Variants in KPNA5 observed in about 807,000 individuals in gnomAD.
The protein encoded by KPNA5 is karyopherin subunit alpha 5.
In KPNA5, 46 loss-of-function variants were observed where a neutral mutation model predicts 71.3. The ratio of observed to expected loss-of-function variants is 0.65; its 90% CI spans 0.51 to 0.83. KPNA5 has a LOEUF of 0.83. Ranked by LOEUF, KPNA5 falls within the 40% of genes least tolerant of loss-of-function variation. The probability of loss-of-function intolerance (pLI) is 0.00; values close to 1 mark genes in which losing one functional copy is unlikely to be tolerated. For missense variants in KPNA5, 547 were observed against 628.3 expected (o/e 0.87, Z 1.38); for synonymous variants, 207 against 201.4 (o/e 1.03, Z -0.24).
intron 4 of KPNA5, among the ~76,000 whole-genome samples, chr6:116,693,449 C>T (rs1777887816): frequency 6.6e-6 from 1 of 152,168 alleles, no homozygotes; most frequent in South Asian, 2.1e-4. Flanking sequence ...GAGATGGTAT[C>T]TCATTGTGGT....
chr6:116,705,556 T>A (rs990815578), intron 7 of KPNA5, among the ~76,000 whole-genome samples: 7 of 152,180 alleles, frequency 4.6e-5, no homozygotes, highest in Admixed American at 3.9e-4. Context: ...AAGATAGAGA[T>A]TTTTCTTTCA....
At chr6:116,718,514 C>T (rs1342669182) in intron 8 of KPNA5, among the ~76,000 whole-genome samples, 4 of 152,050 alleles carry the variant, frequency 2.6e-5, no homozygotes, top group South Asian at 2.1e-4. Flanking sequence ...CTACCTGCCT[C>T]GGCCTCCCAA....
intron 2 of KPNA5, among the ~76,000 whole-genome samples, 194 bp from the exon 3 acceptor site, chr6:116,691,861 G>T (rs1311275699): frequency 6.6e-6 from 1 of 152,190 alleles, no homozygotes; most frequent in Admixed American, 6.5e-5. Flanking sequence ...CCAAAAGCTA[G>T]CCCAGAAATT....
chr6:116,695,113 G>A (rs1475701816), intron 4 of KPNA5, among the ~76,000 whole-genome samples: 2 of 151,972 alleles, frequency 1.3e-5, no homozygotes, highest in African/African-American at 4.8e-5. Context: ...ACCACGCCCA[G>A]CTAATTTTTA....
chr6:116,715,318 G>A (rs775972130), intron 7 of KPNA5, among the ~76,000 whole-genome samples: 23 of 151,918 alleles, frequency 1.5e-4, no homozygotes, highest in African/African-American at 5.1e-4. Context: ...GGTCTCAAGG[G>A]GGTCCACAAC....
chr6:116,687,506 G>A (rs368489531), intron 1 of KPNA5, among the ~76,000 whole-genome samples: 2 of 152,068 alleles, frequency 1.3e-5, no homozygotes, highest in African/African-American at 4.8e-5. Context: ...TCATAGAAAT[G>A]TATACGAAAA....
Position 116,726,559 on chromosome 6 carries a change from C to A in KPNA5, c.1190C>A (p.Thr397Asn). 3 of 1,612,032 alleles carry A rather than the reference C, an allele frequency of 1.9e-6. No homozygotes were observed. The highest frequency in any genetic ancestry group is 2.5e-6 in the Non-Finnish European group (3 of 1,178,810). Residue 397 changes from threonine to asparagine, a missense_variant, in exon 12 of 14, where the codon ACC becomes AAC. By Grantham distance (65) the Thr-to-Asn change is moderately conservative. Transcript: ENST00000368564. ...IEILQKAEFRTRKEAAWAITN... is the reference protein window; with the variant it reads ...IEILQKAEFRNRKEAAWAITN... ...ATTCTTCAGAAAGCAGAGTTTCGTA[C>A]CAGAAAAGAAGCAGCTTGGGCTATA... is the stretch of plus-strand genomic sequence containing the variant.
At position 116,716,326 on chromosome 6, in the gene KPNA5, T is replaced by G; in HGVS notation, c.756+8T>G. On this transcript the variant is annotated splice_region_variant and intron_variant, in intron 8 of 13. Coordinates refer to ENST00000368564, the MANE Select transcript of KPNA5 (RefSeq NM_001366306.2). ...CCTCCAAACTTTAGTAAGGTATGAG[T>G]AAAATACACAAATTAAAATATTTGT... 3 of 1,537,604 alleles carry G rather than the reference T, an allele frequency of 2.0e-6. No homozygotes were observed. The highest frequency in any genetic ancestry group is 2.7e-6 in the Non-Finnish European group (3 of 1,114,492).
chr6:116,732,362 G>T lies in KPNA5; in HGVS notation c.*39G>T, dbSNP rs1375603059. The stretch of plus-strand genomic sequence containing the variant: ...AAAAAATTTATGGCTAAAAAGGGTA[G>T]CTTCAGGTAACTCCTCTTTGTTGCC... On this transcript the variant is annotated 3_prime_UTR_variant, in exon 14 of 14. Transcript: ENST00000368564. The T allele has an allele frequency of 3.3e-6, 4 of 1,210,044 alleles. No individual in the cohort carries two copies. The highest frequency in any genetic ancestry group is 4.5e-6 in the Non-Finnish European group (4 of 890,322). The allele number at this position is 1,210,044 out of a possible 1,614,324, so 75.0% of individuals were successfully genotyped here. A position where few individuals can be genotyped will look rare whatever the true frequency, so the allele number is the denominator to read the frequency against.
intron 1 of KPNA5, among the ~76,000 whole-genome samples, chr6:116,683,744 C>T (rs1777453260): frequency 6.6e-6 from 1 of 150,730 alleles, no homozygotes; most frequent in African/African-American, 2.4e-5. Context: ...ACTACAGGTG[C>T]CCACCACCAC....
chr6:116,698,595 C>T (rs1778114308), intron 4 of KPNA5, 109 bp from the exon 5 acceptor site: 1 of 624,896 alleles, frequency 1.6e-6, no homozygotes, highest in African/African-American at 2.0e-5. Context: ...AATCTTGGGT[C>T]AGGGAAACCT....
rs373922136 is a variant in KPNA5, at chr6:116,720,430, G to T, written c.757-1696G>T. Among the ~76,000 whole-genome samples the T allele has an allele frequency of 1.3e-4, 20 of 151,902 alleles. No homozygotes were observed. In the East Asian group the frequency reaches 3.3e-3, roughly 25 times the overall value. ...TTTTTTTTTCCTGAGAAGATACTGG[G>T]GCAGAAATGTTTTTACTTTGCTCAC... On this transcript the variant is annotated intron_variant, in intron 8 of 13. Coordinates refer to ENST00000368564, the MANE Select transcript of KPNA5 (RefSeq NM_001366306.2).
intron 7 of KPNA5, among the ~76,000 whole-genome samples, chr6:116,707,108 G>A (rs796445249): frequency 3.3e-5 from 5 of 152,014 alleles, no homozygotes; most frequent in African/African-American, 9.6e-5. Context: ...AGCTTGCAGT[G>A]AGCCAAGATC....
chr6:116,689,254 A>T, intron 1 of KPNA5, 66 bp from the exon 2 acceptor site: 1 of 1,519,342 alleles, frequency 6.6e-7, no homozygotes, highest in South Asian at 1.3e-5. Flanking sequence ...TTGCTAGATT[A>T]AGTGTCTCAT....
At chr6:116,709,933 G>T (rs554189694) in intron 7 of KPNA5, among the ~76,000 whole-genome samples, 1 of 151,812 alleles carries the variant, frequency 6.6e-6, no homozygotes, top group African/African-American at 2.4e-5. Context: ...GCTAATTTTT[G>T]TATTTTTAGT....
chr6:116,712,443 T>A (rs966991605), intron 7 of KPNA5, among the ~76,000 whole-genome samples: 2 of 152,218 alleles, frequency 1.3e-5, no homozygotes, highest in Non-Finnish European at 2.9e-5. Context: ...TCTTTTTCTA[T>A]TTCACTTTCA....
In KPNA5 at chr6:116,721,342, C is replaced by T. The variant is rs898247938; in HGVS notation, c.757-784C>T. The stretch of plus-strand genomic sequence containing the variant: ...TTTTTTTTTGTTTTTTAGTAGAGAT[C>T]GGGTTTCTCCATGTTGGTCAGGCTG... On this transcript the variant is annotated intron_variant, in intron 8 of 13. Coordinates refer to ENST00000368564, the MANE Select transcript of KPNA5 (RefSeq NM_001366306.2). Among the ~76,000 whole-genome samples, 2 of 151,446 alleles carry T rather than the reference C, an allele frequency of 1.3e-5. 1 individual carries two copies. Among genetic ancestry groups the T allele is most frequent in the Admixed American group, 1.3e-4 (2 of 15,224 alleles).
At chr6:116,722,048 A>C in intron 8 of KPNA5, 78 bp from the exon 9 acceptor site, 1 of 1,130,240 alleles carries the variant, frequency 8.8e-7, no homozygotes, top group Non-Finnish European at 1.2e-6. Context: ...TTGTTTTAAA[A>C]TGAATTTCTA....
Position 116,705,066 on chromosome 6 carries a change from C to A in KPNA5, c.568-6C>A. On this transcript the variant is annotated splice_polypyrimidine_tract_variant and splice_region_variant and intron_variant, in intron 6 of 13. Transcript: ENST00000368564. ...TTGTCTTAAGATAATTTTTTTTTTT[C>A]CTAAGGCTGTTTGGGCACTTGGTAA... is the stretch of plus-strand genomic sequence containing the variant. The A allele has an allele frequency of 6.3e-7, 1 of 1,579,642 alleles. No individual in the cohort carries two copies. The highest frequency in any genetic ancestry group is 8.6e-7 in the Non-Finnish European group (1 of 1,166,302).
Sources: allele counts gnomAD v4.1 joint callset (sites outside exome capture counted in the v4.1 genomes callset), GRCh38; gene constraint gnomAD v4.1.1; transcripts MANE v1.5; gene names NCBI Gene and HGNC (gene_info 2026-07-23, HGNC 2026-07-21).